Variants in ANGPT1 observed in about 807,000 individuals in gnomAD.
The protein encoded by ANGPT1 is angiopoietin-1.
Under a neutral mutation model 62.2 loss-of-function variants are expected in ANGPT1, and 17 were observed. That is an observed-to-expected ratio of 0.27 (90% confidence interval 0.19 to 0.41). The LOEUF is 0.41. ANGPT1 is among the 10% of genes least tolerant of loss of function. The pLI is 1.00. For missense variants in ANGPT1, 478 were observed against 594.9 expected (o/e 0.80, Z 2.04); for synonymous variants, 199 against 198.9 (o/e 1.00, Z 0.00).
intron 1 of ANGPT1, among the ~76,000 whole-genome samples, chr8:107,414,367 G>C (rs142161155): frequency 1.7e-3 from 263 of 152,270 alleles, no homozygotes; most frequent in Admixed American, 2.9e-3. Flanking sequence ...ATGATTATTT[G>C]AGGTGATGCC....
chr8:107,371,982 A>G (rs1314095444), intron 1 of ANGPT1, among the ~76,000 whole-genome samples: 1 of 152,156 alleles, frequency 6.6e-6, no homozygotes, highest in African/African-American at 2.4e-5. Context: ...TGATTTTATC[A>G]TTGAAAATAT....
chr8:107,288,868 C>T (rs182666781), intron 6 of ANGPT1, among the ~76,000 whole-genome samples: 1 of 152,146 alleles, frequency 6.6e-6, no homozygotes, highest in East Asian at 1.9e-4. Flanking sequence ...AATAGGCTTA[C>T]ACATTATGGC....
intron 8 of ANGPT1, among the ~76,000 whole-genome samples, chr8:107,259,369 C>T (rs148034036): frequency 1.3e-5 from 2 of 152,130 alleles, no homozygotes; most frequent in African/African-American, 2.4e-5. Context: ...GCAAAGTGAG[C>T]GTTTGTCAAC....
At chr8:107,409,649 T>C (rs1817219133) in intron 1 of ANGPT1, among the ~76,000 whole-genome samples, 1 of 152,148 alleles carries the variant, frequency 6.6e-6, no homozygotes, top group Non-Finnish European at 1.5e-5. Context: ...TCAGGGCCAA[T>C]GAGATTATAA....
intron 1 of ANGPT1, among the ~76,000 whole-genome samples, chr8:107,376,209 T>C (rs926380569): frequency 1.3e-5 from 2 of 152,228 alleles, no homozygotes; most frequent in African/African-American, 4.8e-5. Context: ...TTTCCACATG[T>C]AATCAAGTTG....
Position 107,324,175 on chromosome 8 carries a change from A to G in ANGPT1, c.576-2047T>C, listed in dbSNP as rs923027468. On this transcript the variant is annotated intron_variant, in intron 3 of 8. Coordinates refer to ENST00000517746, the MANE Select transcript of ANGPT1 (RefSeq NM_001146.5). ...AAAAAAAAAATATGTATATATATATATGTGTGTGTGTGTATATATGTATAT... is the reference window on the plus strand; with the variant it reads ...AAAAAAAAAATATGTATATATATATGTGTGTGTGTGTGTATATATGTATAT... Among the ~76,000 whole-genome samples, 218 of 144,186 alleles carry G rather than the reference A, an allele frequency of 1.5e-3. 1 individual carries two copies. The highest frequency in any genetic ancestry group is 5.0e-3 in the African/African-American group (192 of 38,340). The allele number at this position is 144,186 out of a possible 152,430, so 94.6% of individuals were successfully genotyped here.
chr8:107,341,382 A>G (rs1370900331), intron 2 of ANGPT1, among the ~76,000 whole-genome samples: 1 of 152,138 alleles, frequency 6.6e-6, no homozygotes. Flanking sequence ...AAGAATGTCA[A>G]TATCAGGGAA....
chr8:107,341,826 T>C (rs2130139366), intron 2 of ANGPT1, among the ~76,000 whole-genome samples: 1 of 151,830 alleles, frequency 6.6e-6, no homozygotes, highest in Admixed American at 6.6e-5. Flanking sequence ...ATCTCCGGAG[T>C]CTGGGTTGTT....
rs369642586 is a variant in ANGPT1, at chr8:107,321,662, T to C, written c.808+234A>G. On this transcript the variant is annotated intron_variant, in intron 4 of 8. Transcript: ENST00000517746. ...GTTAAAAGACAAAGAAAGAAGAAAT[T>C]AGAAAGCTCTTTCAGAAAGACATTG... 2.6e-5 allele frequency among the ~76,000 whole-genome samples: 4 copies of C among 152,216 alleles called. No individual in the cohort carries two copies. The East Asian group carries it at 7.7e-4, about 29-fold the overall frequency.
intron 1 of ANGPT1, among the ~76,000 whole-genome samples, chr8:107,397,747 C>T (rs1816964374): frequency 6.6e-6 from 1 of 151,960 alleles, no homozygotes; most frequent in Admixed American, 6.6e-5. Context: ...TTTTTCTTAC[C>T]CCTTTTCAGT....
intron 1 of ANGPT1, among the ~76,000 whole-genome samples, chr8:107,369,987 T>C (rs1022340477): frequency 6.6e-6 from 1 of 151,504 alleles, no homozygotes; most frequent in Admixed American, 6.6e-5. Flanking sequence ...AAACATAAAA[T>C]TTGCTGGGTG....
intron 1 of ANGPT1, among the ~76,000 whole-genome samples, chr8:107,472,732 C>T (rs1812396328): frequency 1.3e-5 from 2 of 151,836 alleles, no homozygotes; most frequent in Non-Finnish European, 1.5e-5. Context: ...CAATAAACAC[C>T]TATAATCCAT....
At chr8:107,319,478 C>A (rs34597339) in intron 4 of ANGPT1, among the ~76,000 whole-genome samples, 2 of 151,612 alleles carry the variant, frequency 1.3e-5, no homozygotes, top group Non-Finnish European at 2.9e-5. Flanking sequence ...ATATTTGATG[C>A]GTTTATTCTG....
chr8:107,349,037 A>G (rs1343726222), intron 1 of ANGPT1, among the ~76,000 whole-genome samples: 1 of 152,144 alleles, frequency 6.6e-6, no homozygotes, highest in Non-Finnish European at 1.5e-5. Flanking sequence ...CATATGCCCA[A>G]TACAGTTGAT....
chr8:107,309,663 T>C (rs542759985), intron 4 of ANGPT1, among the ~76,000 whole-genome samples: 3 of 152,332 alleles, frequency 2.0e-5, no homozygotes, highest in African/African-American at 7.2e-5. Context: ...TATACAAATA[T>C]ATATAGCTAC....
At chr8:107,438,772 T>G (rs1811398481) in intron 1 of ANGPT1, among the ~76,000 whole-genome samples, 1 of 152,160 alleles carries the variant, frequency 6.6e-6, no homozygotes, top group South Asian at 2.1e-4. Context: ...AAGAAAATAA[T>G]TGTCTTATTT....
rs149515545 is a variant in ANGPT1 at position 107,319,395 on chromosome 8, A to T, written c.808+2501T>A. On this transcript the variant is annotated intron_variant, in intron 4 of 8. Coordinates refer to ENST00000517746, the MANE Select transcript of ANGPT1 (RefSeq NM_001146.5). ...TCAATTAAAATGTTTGGCTTTTTGG[A>T]TGACGACACAGCTCGTGTTTTTTAA... is the stretch of plus-strand genomic sequence containing the variant. 2.2e-3 allele frequency among the ~76,000 whole-genome samples: 339 copies of T among 152,244 alleles called. 2 individuals are homozygous for T. Among genetic ancestry groups the T allele is most frequent in the African/African-American group, 7.9e-3 (329 of 41,572 alleles).
intron 1 of ANGPT1, among the ~76,000 whole-genome samples, chr8:107,438,104 A>C (rs1432656434): frequency 6.6e-6 from 1 of 152,214 alleles, no homozygotes; most frequent in Admixed American, 6.5e-5. Context: ...ATGTTACCCA[A>C]GTCTAGGAAG....
rs538901071 is a variant in ANGPT1 at position 107,453,664 on chromosome 8, C to A, written c.297+43598G>T. On this transcript the variant is annotated intron_variant, in intron 1 of 8. Transcript: ENST00000517746. ...CCAAACCATATCAAAGTTTTATTTT[C>A]TTTTTAATTTACAAATAATAATTAT... Among the ~76,000 whole-genome samples, 36 of 151,998 alleles carry A rather than the reference C, an allele frequency of 2.4e-4. No homozygotes were observed. In the South Asian group the frequency reaches 7.1e-3, roughly 30 times the overall value.
Sources: allele counts gnomAD v4.1 joint callset (sites outside exome capture counted in the v4.1 genomes callset), GRCh38; gene constraint gnomAD v4.1.1; transcripts MANE v1.5; gene names NCBI Gene and HGNC (gene_info 2026-07-23, HGNC 2026-07-21).